ORC3: variants seen among roughly 807,000 people sequenced by gnomAD.
ORC3 encodes the protein homolog of latheo, Drosophila.
In ORC3, 78 loss-of-function variants were observed where a neutral mutation model predicts 100.7. The observed-to-expected ratio is 0.77, with a 90% CI of 0.65 to 0.94. The LOEUF is 0.94. Among genes scored for constraint, ORC3 ranks in the 40% least tolerant of loss-of-function variants. The pLI is 0.00. For missense variants in ORC3, 789 were observed against 823.9 expected (o/e 0.96, Z 0.52); for synonymous variants, 295 against 289.3 (o/e 1.02, Z -0.20).
At chr6:87,603,797 T>C (rs1262428764) in intron 4 of ORC3, among the ~76,000 whole-genome samples, 1 of 152,228 alleles carries the variant, frequency 6.6e-6, no homozygotes, top group East Asian at 1.9e-4. Flanking sequence ...GGAAAATATA[T>C]TTGTTTTACT....
In ORC3 at chr6:87,621,452, A is replaced by G. The variant is rs1411112409; in HGVS notation, c.1086A>G (p.Gln362=). Residue 362 remains glutamine, a synonymous_variant, in exon 10 of 20, where the codon CAA becomes CAG. Transcript: ENST00000392844. ...GAATAAATTTTTTATCAAATAATCA[A>G]TGTGAAAACATCCGACGTCTACCAT... ...KRRINFLSNN[Q]CENIRRLPSF... is the part of the protein sequence containing the mutation. The G allele has an allele frequency of 6.2e-7, 1 of 1,602,692 alleles. No individual in the cohort carries two copies.
Position 87,590,186 on chromosome 6 carries a change from G to A in ORC3, c.18G>A (p.Met6Ile), listed in dbSNP as rs149941248. The A allele has an allele frequency of 1.4e-5, 22 of 1,613,978 alleles. No individual in the cohort carries two copies. The highest frequency in any genetic ancestry group is 1.8e-5 in the Non-Finnish European group (21 of 1,179,914). MATSS[M>I]SKGCFVFKPN... ...GTAAGACCATGGCTACGTCCTCGATGTCTAAGGTATGTGGTGGCCGATGCG... is the reference window on the plus strand; with the variant it reads ...GTAAGACCATGGCTACGTCCTCGATATCTAAGGTATGTGGTGGCCGATGCG... Residue 6 changes from methionine (M) to isoleucine (I), a missense_variant, in exon 1 of 20, where the codon ATG (methionine) becomes ATA (isoleucine). Met to Ile is a conservative substitution (Grantham distance 10). Around this residue, in one of 3 missense-constraint regions of ORC3, gnomAD observed 399 missense variants for 382.0 expected, o/e 1.04. Coordinates refer to ENST00000392844, the MANE Select transcript of ORC3 (RefSeq NM_012381.4).
intron 3 of ORC3, among the ~76,000 whole-genome samples, chr6:87,602,596 C>T (rs1231866797): frequency 6.6e-6 from 1 of 151,990 alleles, no homozygotes; most frequent in African/African-American, 2.4e-5. Context: ...TGGTAATGAG[C>T]AAAGGCTCAT....
rs552361982 is a variant in ORC3 at position 87,607,701 on chromosome 6, C to T, written c.456C>T (p.Ile152=). ...PDMKHFLQKL[I]SQLMDCCVDI... is the part of the protein sequence containing the mutation. ...TGAAACATTTTTTGCAAAAGTTGATCTCACAGTTGATGGACTGCTGTGTAG... is the reference window on the plus strand; with the variant it reads ...TGAAACATTTTTTGCAAAAGTTGATTTCACAGTTGATGGACTGCTGTGTAG... Residue 152 remains isoleucine, a synonymous_variant, in exon 6 of 20, where the codon ATC becomes ATT. Transcript: ENST00000392844. The T allele has an allele frequency of 1.2e-6, 2 of 1,605,958 alleles. No individual in the cohort carries two copies. The highest frequency in any genetic ancestry group is 1.3e-5 in the African/African-American group (1 of 74,630).
chr6:87,667,718 G>A (rs1446526559), downstream of ORC3, among the ~76,000 whole-genome samples: 2 of 152,032 alleles, frequency 1.3e-5, no homozygotes, highest in African/African-American at 4.8e-5. Flanking sequence ...CACAAGGGCA[G>A]GAGATCGAGA....
intron 8 of ORC3, among the ~76,000 whole-genome samples, chr6:87,614,238 C>T (rs1458845298): frequency 1.3e-5 from 2 of 152,110 alleles, no homozygotes; most frequent in African/African-American, 2.4e-5. Flanking sequence ...AGCCGTGGCC[C>T]GAACTTTGTG....
chr6:87,655,995 T>C (rs1039320867), intron 14 of ORC3, among the ~76,000 whole-genome samples: 3 of 152,212 alleles, frequency 2.0e-5, no homozygotes, highest in African/African-American at 7.2e-5. Flanking sequence ...CCTCCTGTCA[T>C]AGTTTTAGGC....
At chr6:87,670,929 T>C (rs1054332613), downstream of ORC3, among the ~76,000 whole-genome samples, 1 of 152,294 alleles carries the variant, frequency 6.6e-6, no homozygotes, top group African/African-American at 2.4e-5. Flanking sequence ...TGAAAAAATT[T>C]TCCATGAAGT....
intron 11 of ORC3, among the ~76,000 whole-genome samples, chr6:87,624,365 T>A (rs1286703779): frequency 6.6e-6 from 1 of 152,040 alleles, no homozygotes; most frequent in Non-Finnish European, 1.5e-5. Flanking sequence ...ATGCCTGTAA[T>A]CTGAGCTACT....
At chr6:87,640,689 C>T (rs1324888588) in intron 13 of ORC3, among the ~76,000 whole-genome samples, 2 of 152,208 alleles carry the variant, frequency 1.3e-5, no homozygotes, top group Non-Finnish European at 1.5e-5. Flanking sequence ...GAAAATTTTA[C>T]CCCTCTATTG....
rs28381486 is a variant in ORC3, at chr6:87,609,783, C to T, written c.713+554C>T. 5.0e-3 allele frequency among the ~76,000 whole-genome samples: 766 copies of T among 152,120 alleles called. 11 individuals carry two copies. The highest frequency in any genetic ancestry group is 0.018 in the African/African-American group (738 of 41,506). ...GCCAGGCTGTTCTCGAACTCCTGACCTCAGGTGATCTGCCTGCCTCGGCCT... is the reference window on the plus strand; with the variant it reads ...GCCAGGCTGTTCTCGAACTCCTGACTTCAGGTGATCTGCCTGCCTCGGCCT... On this transcript the variant is annotated intron_variant, in intron 7 of 19. Transcript: ENST00000392844.
chr6:87,662,492 A>C (rs1367791596), intron 16 of ORC3, among the ~76,000 whole-genome samples: 1 of 152,212 alleles, frequency 6.6e-6, no homozygotes. Context: ...TTTCCATGAA[A>C]GATATCAACT....
At chr6:87,621,165 G>A (rs1015703419) in intron 9 of ORC3, among the ~76,000 whole-genome samples, 189 bp from the exon 10 acceptor site, 8 of 151,160 alleles carry the variant, frequency 5.3e-5, no homozygotes, top group Admixed American at 5.3e-4. Flanking sequence ...TCACAGAATT[G>A]GAACCTTAAA....
rs1353493900 is a variant in ORC3, at chr6:87,643,977, C to T, written c.1382+7491C>T. On this transcript the variant is annotated intron_variant, in intron 13 of 19. Transcript: ENST00000392844. Reference sequence around the variant, plus strand: ...AATAATGACAAGAAAAAAGTCTGTACGTGTTCTATACGGTCTCTTCTCCTA... The same window carrying T: ...AATAATGACAAGAAAAAAGTCTGTATGTGTTCTATACGGTCTCTTCTCCTA... Among the ~76,000 whole-genome samples, 6 of 150,660 alleles carry T rather than the reference C, an allele frequency of 4.0e-5. No homozygotes were observed. In the East Asian group the frequency reaches 5.9e-4, roughly 15 times the overall value.
At chr6:87,620,438 CTTG>C (rs1279150906) in intron 9 of ORC3, among the ~76,000 whole-genome samples, 3 of 152,182 alleles carry the variant, frequency 2.0e-5, no homozygotes, top group Admixed American at 6.5e-5. Flanking sequence ...CCTTGGGTAT[CTTG>C]TTGTCAGCAT....
chr6:87,623,993 T>C (rs1325087517), intron 11 of ORC3, among the ~76,000 whole-genome samples: 1 of 152,224 alleles, frequency 6.6e-6, no homozygotes, highest in Admixed American at 6.5e-5. Context: ...CTTGTTCTTG[T>C]TGCACTGTCA....
intron 13 of ORC3, among the ~76,000 whole-genome samples, chr6:87,640,289 G>A (rs940810649): frequency 6.6e-6 from 1 of 152,146 alleles, no homozygotes; most frequent in Non-Finnish European, 1.5e-5. Context: ...AATAATGTGG[G>A]AGAATGTTTA....
chr6:87,621,924 T>A (rs771540626), intron 10 of ORC3, 26 bp from the exon 11 acceptor site: 1 of 1,535,556 alleles, frequency 6.5e-7, no homozygotes, highest in East Asian at 2.3e-5. Context: ...TTTCTCTTTT[T>A]ATGTATGGAA....
chr6:87,618,857 G>A (rs1485446705), intron 9 of ORC3, among the ~76,000 whole-genome samples: 6 of 152,160 alleles, frequency 3.9e-5, no homozygotes, highest in Non-Finnish European at 7.3e-5. Context: ...CAGATTGGAG[G>A]TTAGTACCGT....
Sources: gnomAD v4.1 joint callset for allele counts (sites outside exome capture counted in the v4.1 genomes callset) on GRCh38, gnomAD v4.1.1 for gene constraint, gnomAD v4.1.1 regional missense constraint, MANE v1.5 for transcripts, NCBI Gene and HGNC (gene_info 2026-07-23, HGNC 2026-07-21) for gene names.